The following CYP4Z1 variants were observed in gnomAD, a reference collection of about 807,000 sequenced individuals.
CYP4Z1 encodes cytochrome P450 4Z1.
A neutral mutation model predicts 54.2 loss-of-function variants in CYP4Z1; 41 were observed. That is an observed-to-expected ratio of 0.76 (90% CI 0.59 to 0.98). CYP4Z1 has a LOEUF of 0.98. Ranked by LOEUF, CYP4Z1 falls within the 50% of genes least tolerant of loss-of-function variation. CYP4Z1 has a pLI of 0.00. For synonymous variants in CYP4Z1, 163 were observed against 206.2 expected, an observed-to-expected ratio of 0.79 and a Z score of 1.79; for missense variants, 513 against 599.0, an observed-to-expected ratio of 0.86 and a Z score of 1.50.
At chr1:47,099,732 C>A (rs765497279) in intron 8 of CYP4Z1, among the ~76,000 whole-genome samples, 1 of 152,106 alleles carries the variant, frequency 6.6e-6, no homozygotes, top group Non-Finnish European at 1.5e-5. Flanking sequence ...GAACCTTAAA[C>A]ACTGCCACCC....
At chr1:47,102,157 G>A (rs1368081304) in intron 8 of CYP4Z1, among the ~76,000 whole-genome samples, 1 of 152,064 alleles carries the variant, frequency 6.6e-6, no homozygotes, top group Non-Finnish European at 1.5e-5. Flanking sequence ...GGTGAGATGA[G>A]CTTCTTGTAT....
chr1:47,067,738 C>G, intron 1 of CYP4Z1, 71 bp downstream of exon 1: 1 of 1,398,608 alleles, frequency 7.1e-7, no homozygotes, highest in Non-Finnish European at 9.6e-7. Flanking sequence ...ACAGCACAGA[C>G]TGGTGGGGCA....
chr1:47,107,183 T>C (rs1644762965), intron 9 of CYP4Z1, among the ~76,000 whole-genome samples: 1 of 152,236 alleles, frequency 6.6e-6, no homozygotes, highest in Non-Finnish European at 1.5e-5. Flanking sequence ...TAACTCATTT[T>C]ATCCACCCAT....
rs1644471630 is a variant in CYP4Z1, at chr1:47,068,832, G to A, written c.319+69G>A. On this transcript the variant is annotated intron_variant, in intron 2 of 11. Transcript: ENST00000334194. ...GGGTCTCAGGGTGTCTGTGGCACTA[G>A]GGAAGGACAGGTTGAAGCATTTTTA... 1.9e-6 allele frequency: 3 copies of A among 1,557,154 alleles called. No individual in the cohort carries two copies. In the African/African-American group the frequency reaches 4.1e-5, roughly 21 times the overall value.
the CYP4Z1 span, among the ~76,000 whole-genome samples, chr1:47,060,059 T>G: frequency 6.6e-6 from 1 of 151,332 alleles, no homozygotes; most frequent in Non-Finnish European, 1.5e-5. Flanking sequence ...AGTTTTGTCT[T>G]GGATTCATTT....
chr1:47,060,451 C>G, the CYP4Z1 span, among the ~76,000 whole-genome samples: 1 of 124,066 alleles, frequency 8.1e-6, no homozygotes. Flanking sequence ...TAACAAAGAT[C>G]AAAAAAGATA....
At chr1:47,098,068 C>A (rs1331453088) in intron 7 of CYP4Z1, among the ~76,000 whole-genome samples, 11 of 152,110 alleles carry the variant, frequency 7.2e-5, no homozygotes, top group African/African-American at 2.7e-4. Context: ...CCTCCCAACT[C>A]GGCCTTCCAA....
chr1:47,068,154 A>G (rs1644463824), intron 1 of CYP4Z1, among the ~76,000 whole-genome samples: 1 of 152,248 alleles, frequency 6.6e-6, no homozygotes, highest in Admixed American at 6.5e-5. Context: ...TTGGAGGCAG[A>G]TAAAGCATGA....
At chr1:47,096,608 G>A (rs371352776) in intron 7 of CYP4Z1, 8 of 148,936 alleles carry the variant, frequency 5.4e-5, no homozygotes, top group African/African-American at 1.5e-4. Flanking sequence ...TAGATATTAT[G>A]CCCAGCATTC....
At chr1:47,088,803 C>G (rs1337326052) in intron 6 of CYP4Z1, among the ~76,000 whole-genome samples, 8 of 128,478 alleles carry the variant, frequency 6.2e-5, no homozygotes, top group Non-Finnish European at 1.1e-4. Context: ...TTTTTTTTTA[C>G]TAGAGGCAGG....
At chr1:47,061,808 G>A in the CYP4Z1 span, among the ~76,000 whole-genome samples, 1 of 152,162 alleles carries the variant, frequency 6.6e-6, no homozygotes, top group South Asian at 2.1e-4. Flanking sequence ...ACCAATTTCA[G>A]CAGCACATCA....
At chr1:47,116,774 G>A in intron 11 of CYP4Z1, 42 bp downstream of exon 11, 1 of 1,432,928 alleles carries the variant, frequency 7.0e-7, no homozygotes, top group Non-Finnish European at 9.7e-7. Context: ...ATGTGTAATA[G>A]TGCTTACCTG....
intron 9 of CYP4Z1, among the ~76,000 whole-genome samples, chr1:47,109,633 G>A (rs1273409199): frequency 6.6e-6 from 1 of 152,068 alleles, no homozygotes; most frequent in African/African-American, 2.4e-5. Flanking sequence ...CATTTTTTCT[G>A]GACAATGCAG....
chr1:47,068,886 G>A (rs2148524435), intron 2 of CYP4Z1, 123 bp downstream of exon 2: 33 of 1,305,956 alleles, frequency 2.5e-5, no homozygotes, highest in Non-Finnish European at 3.0e-5. Context: ...ATATGTTGAA[G>A]GGAAGATTCC....
chr1:47,102,203 C>T (rs1644726568), intron 8 of CYP4Z1, among the ~76,000 whole-genome samples: 1 of 152,160 alleles, frequency 6.6e-6, no homozygotes, highest in African/African-American at 2.4e-5. Flanking sequence ...TCAATCCATT[C>T]AGCCAATGTA....
upstream of CYP4Z1, among the ~76,000 whole-genome samples, chr1:47,062,744 T>C (rs1026489818): frequency 6.6e-6 from 1 of 151,898 alleles, no homozygotes; most frequent in African/African-American, 2.4e-5. Context: ...CACCTTGTGG[T>C]CTTTCTCTAC....
At position 47,099,122 on chromosome 1, in the gene CYP4Z1, C is replaced by A. The variant is rs1360891523; in HGVS notation, c.905C>A (p.Ala302Glu). The A allele has an allele frequency of 1.5e-5, 24 of 1,613,912 alleles. No homozygotes were observed. In the Admixed American group the frequency reaches 3.3e-4, roughly 22 times the overall value. The change falls in exon 8 of 12, where the codon GCA becomes GAA. Residue 302 changes from alanine to glutamate, a missense_variant. Ala to Glu is a moderately radical substitution (Grantham distance 107). Coordinates refer to ENST00000334194, the MANE Select transcript of CYP4Z1 (RefSeq NM_178134.3). ...GAAAACACCAAAGATTTCTCTGAAG[C>A]AGATCTCCAGGCTGAAGTGAAAACG... ...KSENTKDFSEADLQAEVKTFM... is the reference protein window; with the variant it reads ...KSENTKDFSEEDLQAEVKTFM...
chr1:47,078,082 A>G (rs966424822), intron 2 of CYP4Z1, among the ~76,000 whole-genome samples: 18 of 152,154 alleles, frequency 1.2e-4, no homozygotes, highest in Admixed American at 8.5e-4. Flanking sequence ...ATTAAAATTA[A>G]TATCTTAAAG....
chr1:47,067,878 C>A (rs1297292981), intron 1 of CYP4Z1, among the ~76,000 whole-genome samples: 7 of 152,116 alleles, frequency 4.6e-5, no homozygotes, highest in Non-Finnish European at 1.0e-4. Context: ...AATAGAAATG[C>A]AACTTTCCTG....
Sources: gnomAD v4.1 joint callset for allele counts (sites outside exome capture counted in the v4.1 genomes callset) on GRCh38, gnomAD v4.1.1 for gene constraint, MANE v1.5 for transcripts, NCBI Gene and HGNC (gene_info 2026-07-23, HGNC 2026-07-21) for gene names.